Variants in PTPRO observed in about 807,000 individuals in gnomAD.
PTPRO encodes the protein protein tyrosine phosphatase receptor type O.
In PTPRO, 62 loss-of-function variants were observed where a neutral mutation model predicts 145.2. The observed-to-expected ratio is 0.43, with a 90% confidence interval of 0.35 to 0.53. The LOEUF (loss-of-function observed/expected upper bound fraction) is 0.53, where lower values mean the gene tolerates loss of function less well. Among genes scored for constraint, PTPRO ranks in the 20% least tolerant of loss-of-function variants. The pLI is 0.01. For missense variants in PTPRO, 1,345 were observed against 1,482.7 expected (o/e 0.91, Z 1.53); for synonymous variants, 565 against 514.7 (o/e 1.10, Z -1.32).
At chr12:15,434,345 A>C (rs868610851) in intron 1 of PTPRO, among the ~76,000 whole-genome samples, 4 of 152,232 alleles carry the variant, frequency 2.6e-5, no homozygotes, top group African/African-American at 9.6e-5. Flanking sequence ...TTTCATACAC[A>C]AGCCACAGAG....
intron 1 of PTPRO, among the ~76,000 whole-genome samples, chr12:15,433,429 C>T (rs374839405): frequency 6.6e-5 from 10 of 152,264 alleles, no homozygotes; most frequent in Admixed American, 2.0e-4. Flanking sequence ...ATGATCCGCC[C>T]GCCTTGGCCT....
At chr12:15,362,180 C>T (rs1938230908) in intron 1 of PTPRO, among the ~76,000 whole-genome samples, 1 of 152,184 alleles carries the variant, frequency 6.6e-6, no homozygotes, top group Non-Finnish European at 1.5e-5. Flanking sequence ...GCTATTGAAT[C>T]CCATTCTTCA....
chr12:15,396,026 A>T (rs1939328978), intron 1 of PTPRO, among the ~76,000 whole-genome samples: 1 of 152,228 alleles, frequency 6.6e-6, no homozygotes, highest in African/African-American at 2.4e-5. Flanking sequence ...GTGAACACAG[A>T]TCACCAGTGT....
chr12:15,583,734 C>T (rs1217786768), intron 23 of PTPRO, among the ~76,000 whole-genome samples: 2 of 152,022 alleles, frequency 1.3e-5, no homozygotes, highest in Non-Finnish European at 2.9e-5. Flanking sequence ...TGTTTGCTGA[C>T]CCTTAAAATA....
chr12:15,501,874 G>A lies in PTPRO; in HGVS notation c.916G>A (p.Ala306Thr), dbSNP rs1281493612. 6.2e-7 allele frequency: 1 copy of A among 1,614,012 alleles called. No homozygotes were observed. The highest frequency in any genetic ancestry group is 1.3e-5 in the African/African-American group (1 of 74,938). ...ATATTGGTGGGACAGTGCATCTGCA[G>A]CTCCTGAAAGTGAAGATGAATTTGT... The part of the protein sequence containing the change: ...QPYWWDSASA[A>T]PESEDEFVSV... Residue 306 changes from alanine to threonine, a missense_variant, in exon 5 of 27, where the codon GCT (alanine) becomes ACT (threonine). Ala to Thr is a moderately conservative substitution (Grantham distance 58). Around this residue, in one of 3 missense-constraint regions of PTPRO, gnomAD observed 1,130 missense variants for 1,214.7 expected, o/e 0.93. Transcript: ENST00000281171.
At chr12:15,551,742 T>G in intron 15 of PTPRO, 71 bp downstream of exon 15, 2 of 1,525,542 alleles carry the variant, frequency 1.3e-6, no homozygotes, top group Non-Finnish European at 1.8e-6. Context: ...ATATATTGTT[T>G]TTGCACACCT....
At chr12:15,510,724 T>A (rs1018982582) in intron 7 of PTPRO, among the ~76,000 whole-genome samples, 9 of 152,168 alleles carry the variant, frequency 5.9e-5, no homozygotes, top group African/African-American at 2.2e-4. Context: ...TTTTTGAGAT[T>A]TGTATAATAT....
chr12:15,482,144 GGT>G lies in PTPRO; in HGVS notation c.76-1807_76-1806del, dbSNP rs57202820. ...GAGGGTGAATGGATAAAGAAAATATGGTGTGTGTGTGTGTGTGTGTGTGTATA... is the reference window on the plus strand; with the variant it reads ...GAGGGTGAATGGATAAAGAAAATATGGTGTGTGTGTGTGTGTGTGTGTATA... On this transcript the variant is annotated intron_variant, in intron 1 of 26. Coordinates refer to ENST00000281171, the MANE Select transcript of PTPRO (RefSeq NM_030667.3). 4.6e-3 allele frequency among the ~76,000 whole-genome samples: 682 copies of G among 147,878 alleles called. 5 individuals are homozygous for G. Among genetic ancestry groups the G allele is most frequent in the African/African-American group, 0.015 (604 of 40,376 alleles).
chr12:15,579,724 T>C (rs1020629606), intron 20 of PTPRO, among the ~76,000 whole-genome samples: 2 of 152,196 alleles, frequency 1.3e-5, no homozygotes, highest in Non-Finnish European at 1.5e-5. Context: ...GCTTAGGCTA[T>C]ATACTATAGC....
intron 12 of PTPRO, among the ~76,000 whole-genome samples, chr12:15,541,812 T>G (rs916710772): frequency 9.9e-5 from 15 of 152,062 alleles, no homozygotes; most frequent in Admixed American, 6.6e-5. Context: ...AGGAGTTCGA[T>G]ACCAGCCTGG....
At chr12:15,336,297 A>T (rs1256533161) in intron 1 of PTPRO, among the ~76,000 whole-genome samples, 1 of 151,972 alleles carries the variant, frequency 6.6e-6, no homozygotes, top group Non-Finnish European at 1.5e-5. Context: ...TATTGTGATA[A>T]TTTTTTTCAA....
chr12:15,333,231 T>G (rs78288084), intron 1 of PTPRO, among the ~76,000 whole-genome samples: 1,900 of 152,346 alleles, frequency 0.012, 37 homozygotes, highest in African/African-American at 0.042. Context: ...TATTCAGCAC[T>G]TCTTTCTGAA....
rs721773 is a variant in PTPRO at position 15,385,881 on chromosome 12, G to T, written c.75+63080G>T. Reference sequence around the variant, plus strand: ...TAGATAGATAGATAGATGATAGATAGATTAAAAAAGAGATATAGAGATAAA... The same window carrying T: ...TAGATAGATAGATAGATGATAGATATATTAAAAAAGAGATATAGAGATAAA... On this transcript the variant is annotated intron_variant, in intron 1 of 26. Transcript: ENST00000281171. Among the ~76,000 whole-genome samples the T allele has an allele frequency of 6.2e-3, 939 of 150,472 alleles. 10 individuals carry two copies. Among genetic ancestry groups the T allele is most frequent in the African/African-American group, 0.022 (881 of 40,832 alleles).
intron 4 of PTPRO, among the ~76,000 whole-genome samples, chr12:15,501,037 C>T (rs1442088621): frequency 6.6e-6 from 1 of 152,158 alleles, no homozygotes; most frequent in African/African-American, 2.4e-5. Flanking sequence ...TAATTTTCTC[C>T]CTGTAAGTAA....
chr12:15,416,095 T>A (rs1565616673), intron 1 of PTPRO, among the ~76,000 whole-genome samples: 1 of 151,720 alleles, frequency 6.6e-6, no homozygotes, highest in African/African-American at 2.4e-5. Context: ...TTCTTATTCA[T>A]TCTTGCCTCT....
intron 12 of PTPRO, among the ~76,000 whole-genome samples, chr12:15,534,859 G>T (rs776909811): frequency 9.9e-5 from 15 of 152,142 alleles, no homozygotes; most frequent in Non-Finnish European, 1.6e-4. Flanking sequence ...ACTAATTAAG[G>T]GGCTATTTGT....
At chr12:15,448,339 T>TAAAAAAAAAAAAAAAAAAAGA (rs1940957570) in intron 1 of PTPRO, among the ~76,000 whole-genome samples, 1 of 45,020 alleles carries the variant, frequency 2.2e-5, no homozygotes, top group Non-Finnish European at 4.3e-5. Flanking sequence ...CTGTTCCTAG[T>TAAAAAAAAAAAAAAAAAAAGA]AAAAAAAAAA....
At chr12:15,376,553 G>C (rs1245004476) in intron 1 of PTPRO, among the ~76,000 whole-genome samples, 1 of 152,128 alleles carries the variant, frequency 6.6e-6, no homozygotes, top group African/African-American at 2.4e-5. Context: ...AGTAGTCTTA[G>C]TTCATTCAGA....
intron 1 of PTPRO, among the ~76,000 whole-genome samples, chr12:15,407,846 T>C (rs1939690827): frequency 6.6e-6 from 1 of 152,210 alleles, no homozygotes; most frequent in African/African-American, 2.4e-5. Flanking sequence ...TGTTTATTTA[T>C]CAAGCTCATT....
Sources: allele counts gnomAD v4.1 joint callset (sites outside exome capture counted in the v4.1 genomes callset), GRCh38; gene constraint gnomAD v4.1.1; regional missense constraint gnomAD v4.1.1; transcripts MANE v1.5; gene names NCBI Gene and HGNC (gene_info 2026-07-23, HGNC 2026-07-21).